RAPGEF6: variants seen among roughly 807,000 people sequenced by gnomAD.
The protein encoded by RAPGEF6 is PDZ domain containing guanine nucleotide exchange factor (GEF) 2.
A neutral mutation model predicts 171.4 loss-of-function variants in RAPGEF6; 56 were observed. The ratio of observed to expected loss-of-function variants is 0.33; its 90% CI spans 0.26 to 0.41. The LOEUF (loss-of-function observed/expected upper bound fraction) is 0.41, where lower values mean the gene tolerates loss of function less well. RAPGEF6 is among the 10% of genes least tolerant of loss of function. The pLI is 1.00. For missense variants in RAPGEF6, 1,674 were observed against 1,921.4 expected (o/e 0.87, Z 2.41); for synonymous variants, 692 against 650.1 (o/e 1.06, Z -0.98).
intron 1 of RAPGEF6, among the ~76,000 whole-genome samples, chr5:131,609,410 A>G (rs371906661): frequency 6.6e-6 from 1 of 152,194 alleles, no homozygotes; most frequent in African/African-American, 2.4e-5. Context: ...AGACATGGGA[A>G]TGGGCACAAA....
In RAPGEF6 at chr5:131,569,045, C is replaced by G. The variant is rs1762119000; in HGVS notation, c.282-6998G>C. On this transcript the variant is annotated intron_variant, in intron 4 of 27. Transcript: ENST00000509018. ...TTAACAAAAGTGTAAGACTTATACA[C>G]TGAAAAATACAAAATATTGCTGAAA... is the stretch of plus-strand genomic sequence containing the variant. Among the ~76,000 whole-genome samples, 3 of 152,098 alleles carry G rather than the reference C, an allele frequency of 2.0e-5. No homozygotes were observed. In the South Asian group the frequency reaches 6.2e-4, roughly 32 times the overall value.
intron 6 of RAPGEF6, among the ~76,000 whole-genome samples, chr5:131,521,887 A>ACT (rs1358356318): frequency 3.8e-5 from 5 of 130,816 alleles, no homozygotes; most frequent in African/African-American, 1.5e-4. Context: ...ACACACACAC[A>ACT]CACACTCTCT....
At chr5:131,498,685 C>T (rs1756805913) in intron 11 of RAPGEF6, 78 bp from the exon 12 acceptor site, 20 of 1,293,526 alleles carry the variant, frequency 1.5e-5, no homozygotes, top group Middle Eastern at 2.5e-4. Flanking sequence ...GATTACTCCG[C>T]TTTGTAGCTA....
intron 17 of RAPGEF6, among the ~76,000 whole-genome samples, chr5:131,467,192 A>G (rs117030247): frequency 6.6e-6 from 1 of 152,352 alleles, no homozygotes; most frequent in East Asian, 1.9e-4. Context: ...TCTGGGAAGG[A>G]GCACACAATT....
chr5:131,600,642 C>CGAAG (rs759892581), intron 3 of RAPGEF6, among the ~76,000 whole-genome samples: 24 of 137,172 alleles, frequency 1.7e-4, no homozygotes, highest in African/African-American at 5.8e-4. Flanking sequence ...GAGGAGGGAG[C>CGAAG]GAAGGAAGGA....
At chr5:131,475,023 G>A (rs146752419) in intron 16 of RAPGEF6, among the ~76,000 whole-genome samples, 1 of 152,288 alleles carries the variant, frequency 6.6e-6, no homozygotes, top group Non-Finnish European at 1.5e-5. Context: ...CAGAAAATAC[G>A]AAAAGTCCTT....
intron 1 of RAPGEF6, among the ~76,000 whole-genome samples, chr5:131,623,211 T>C (rs778845488): frequency 2.0e-5 from 3 of 152,196 alleles, no homozygotes; most frequent in Non-Finnish European, 4.4e-5. Context: ...TTTTCTGTGA[T>C]GTTCCCTGCA....
In RAPGEF6 at chr5:131,495,660, C is replaced by T. The variant is rs1347475567; in HGVS notation, c.1420G>A (p.Val474Met). ...ACCCATAATAATACAATCCGTGTCA[C>T]CTGTGGAAACATAAAAGAGGCAGCA... Reference protein sequence around the residue: ...WFKIDSLRDKVTRIVLLWVNN... With the variant: ...WFKIDSLRDKMTRIVLLWVNN... Residue 474 changes from valine (V) to methionine (M), a missense_variant and splice_region_variant, in exon 13 of 28, where the codon GTG (valine) becomes ATG (methionine). By Grantham distance (21) the Val-to-Met change is conservative (BLOSUM62 1). Around this residue, in one of 3 missense-constraint regions of RAPGEF6, gnomAD observed 1,116 missense variants for 1,321.5 expected, o/e 0.84. Transcript: ENST00000509018. 1 of 1,611,342 alleles carries T rather than the reference C, an allele frequency of 6.2e-7. No individual in the cohort carries two copies.
At chr5:131,524,051 C>T (rs1426438835) in intron 6 of RAPGEF6, among the ~76,000 whole-genome samples, 1 of 151,984 alleles carries the variant, frequency 6.6e-6, no homozygotes, top group Non-Finnish European at 1.5e-5. Context: ...CTAGCAAAAA[C>T]AGTCCTCAAA....
In RAPGEF6 at chr5:131,559,507, A is replaced by G. The variant is rs6859543; in HGVS notation, c.351+2471T>C. Among the ~76,000 whole-genome samples, 894 of 152,178 alleles carry G rather than the reference A, an allele frequency of 5.9e-3. 10 individuals carry two copies. The highest frequency in any genetic ancestry group is 0.021 in the African/African-American group (866 of 41,526). On this transcript the variant is annotated intron_variant, in intron 5 of 27. Transcript: ENST00000509018. ...TATCACTATACAGTACCATTCTTAC[A>G]TTAAATAATGCTTCTTGCCTAAAAG...
At chr5:131,448,175 A>G (rs1316772996) in intron 21 of RAPGEF6, among the ~76,000 whole-genome samples, 1 of 152,234 alleles carries the variant, frequency 6.6e-6, no homozygotes, top group African/African-American at 2.4e-5. Flanking sequence ...ACAGAGGGCA[A>G]TACTGTATGG....
chr5:131,576,961 C>A (rs1762640822), intron 4 of RAPGEF6, among the ~76,000 whole-genome samples: 1 of 152,134 alleles, frequency 6.6e-6, no homozygotes, highest in Non-Finnish European at 1.5e-5. Flanking sequence ...ATCTCAGGCC[C>A]CCTCCCTTTC....
At chr5:131,488,907 A>T (rs962985919) in intron 15 of RAPGEF6, among the ~76,000 whole-genome samples, 5 of 152,194 alleles carry the variant, frequency 3.3e-5, no homozygotes, top group Admixed American at 1.3e-4. Flanking sequence ...AAGGCAATCA[A>T]ATCACATTAA....
At chr5:131,473,479 C>T (rs558863748) in intron 16 of RAPGEF6, among the ~76,000 whole-genome samples, 2 of 152,016 alleles carry the variant, frequency 1.3e-5, no homozygotes, top group Admixed American at 1.3e-4. Context: ...GTTTTAGATA[C>T]CCCCAAATTT....
chr5:131,567,515 C>G (rs1762027433), intron 4 of RAPGEF6, among the ~76,000 whole-genome samples: 2 of 152,100 alleles, frequency 1.3e-5, no homozygotes, highest in African/African-American at 4.8e-5. Context: ...CTTCCTTGGT[C>G]TATTATTCAT....
intron 18 of RAPGEF6, among the ~76,000 whole-genome samples, chr5:131,462,922 A>G (rs1044780765): frequency 6.6e-6 from 1 of 152,206 alleles, no homozygotes; most frequent in Non-Finnish European, 1.5e-5. Context: ...CAATGCCATA[A>G]ATAATAGTGC....
intron 6 of RAPGEF6, among the ~76,000 whole-genome samples, chr5:131,528,307 T>TATATA (rs1473617406): frequency 3.1e-5 from 1 of 32,760 alleles, no homozygotes; most frequent in African/African-American, 1.2e-4. Context: ...AAATAATATA[T>TATATA]TTATATTATA....
At chr5:131,576,007 C>T (rs1314075762) in intron 4 of RAPGEF6, among the ~76,000 whole-genome samples, 1 of 152,202 alleles carries the variant, frequency 6.6e-6, no homozygotes, top group Non-Finnish European at 1.5e-5. Context: ...GAAGCATATA[C>T]TTTCTGCCCG....
At chr5:131,627,911 C>T (rs1766042560) in intron 1 of RAPGEF6, among the ~76,000 whole-genome samples, 1 of 152,112 alleles carries the variant, frequency 6.6e-6, no homozygotes, top group African/African-American at 2.4e-5. Flanking sequence ...TTTCATGTTA[C>T]TACTGTAATT....
Sources: gnomAD v4.1 joint callset for allele counts (sites outside exome capture counted in the v4.1 genomes callset) on GRCh38, gnomAD v4.1.1 for gene constraint, gnomAD v4.1.1 regional missense constraint, MANE v1.5 for transcripts, NCBI Gene and HGNC (gene_info 2026-07-23, HGNC 2026-07-21) for gene names.